Variants in ARL17B observed in about 807,000 individuals in gnomAD.
The protein encoded by ARL17B is ADP-ribosylation factor-like protein 17.
At chr17:46,321,357 G>GAA (rs763727306) in intron 3 of ARL17B, among the ~76,000 whole-genome samples, 24,001 of 31,436 alleles carry the variant, frequency 0.76, 9,094 homozygotes, top group South Asian at 0.91. Context: ...CTCCGTCTCA[G>GAA]AAAAAAAAAA....
intron 3 of ARL17B, among the ~76,000 whole-genome samples, chr17:46,304,996 G>A (rs1408846510): frequency 4.8e-5 from 4 of 83,410 alleles, no homozygotes; most frequent in African/African-American, 9.6e-5. Context: ...AGCCTCCTGA[G>A]CAGCTAGGAC....
intron 4 of ARL17B, among the ~76,000 whole-genome samples, chr17:46,282,680 C>G (rs1490178292): frequency 6.6e-6 from 1 of 152,094 alleles, no homozygotes; most frequent in African/African-American, 2.4e-5. Flanking sequence ...ACTCGGCTTC[C>G]CAAAGTACTG....
chr17:46,333,772 C>T (rs546640166), downstream of ARL17B, among the ~76,000 whole-genome samples: 7 of 66,774 alleles, frequency 1.0e-4, no homozygotes, highest in African/African-American at 2.4e-4. Context: ...GAGCCTGGTC[C>T]CTTTGTGAGA....
At chr17:46,331,636 CCTGT>C (rs1245017646), downstream of ARL17B, 1 of 816,766 alleles carries the variant, frequency 1.2e-6, no homozygotes, top group Non-Finnish European at 1.9e-6. Flanking sequence ...TGGGCACTGA[CCTGT>C]CCCCCGAGCC....
At chr17:46,276,339 C>T (rs1277230719) in intron 4 of ARL17B, among the ~76,000 whole-genome samples, 1 of 152,164 alleles carries the variant, frequency 6.6e-6, no homozygotes. Context: ...CATTGTTTCA[C>T]GTGGCTGCTA....
intron 2 of ARL17B, among the ~76,000 whole-genome samples, chr17:46,357,169 A>G (rs1181911999): frequency 9.6e-6 from 1 of 103,928 alleles, no homozygotes; most frequent in Non-Finnish European, 1.9e-5. Flanking sequence ...GCGAGACTCT[A>G]TCTCAAAAAA....
At chr17:46,278,329 T>C (rs1209135776) in intron 4 of ARL17B, among the ~76,000 whole-genome samples, 1 of 152,226 alleles carries the variant, frequency 6.6e-6, no homozygotes, top group Non-Finnish European at 1.5e-5. Flanking sequence ...CAAGCTCACT[T>C]AACCATTTTC....
At chr17:46,277,947 A>G (rs2049638167) in intron 4 of ARL17B, among the ~76,000 whole-genome samples, 1 of 147,754 alleles carries the variant, frequency 6.8e-6, no homozygotes, top group African/African-American at 2.4e-5. Flanking sequence ...TGGTCTGGGT[A>G]GATTTTTTTT....
chr17:46,300,077 T>C (rs1337462786), intron 3 of ARL17B, among the ~76,000 whole-genome samples: 1 of 62,618 alleles, frequency 1.6e-5, no homozygotes, highest in Non-Finnish European at 4.8e-5. Context: ...TTTTTTATCA[T>C]ACAAATAGTA....
At chr17:46,340,623 A>G (rs1175145304) in intron 3 of ARL17B, among the ~76,000 whole-genome samples, 1 of 63,498 alleles carries the variant, frequency 1.6e-5, no homozygotes, top group Admixed American at 1.5e-4. Flanking sequence ...GTTGACTGCA[A>G]CCTCTGCCTT....
intron 3 of ARL17B, among the ~76,000 whole-genome samples, chr17:46,323,188 AACC>A (rs1420515032): frequency 2.9e-5 from 1 of 35,080 alleles, no homozygotes; most frequent in African/African-American, 7.2e-5. Flanking sequence ...ATAGTTACAT[AACC>A]ACCACCACAT....
chr17:46,332,870 G>A (rs538416912), downstream of ARL17B, among the ~76,000 whole-genome samples: 1 of 150,294 alleles, frequency 6.7e-6, no homozygotes, highest in Non-Finnish European at 1.5e-5. Flanking sequence ...TCTGTGAATT[G>A]AAACCAAGTG....
chr17:46,357,165 C>T (rs2052933871), intron 2 of ARL17B, among the ~76,000 whole-genome samples: 5 of 100,000 alleles, frequency 5.0e-5, no homozygotes, highest in Admixed American at 4.3e-4. Context: ...CAGAGCGAGA[C>T]TCTATCTCAA....
At chr17:46,279,777 GA>G (rs1272325914) in intron 4 of ARL17B, among the ~76,000 whole-genome samples, 31 of 152,278 alleles carry the variant, frequency 2.0e-4, no homozygotes, top group Admixed American at 1.4e-3. Flanking sequence ...TTACAGGCAT[GA>G]ACCACCATTC....
intron 4 of ARL17B, among the ~76,000 whole-genome samples, chr17:46,290,536 T>G (rs1339933589): frequency 6.6e-6 from 1 of 152,218 alleles, no homozygotes; most frequent in Non-Finnish European, 1.5e-5. Flanking sequence ...AACCTCCGCC[T>G]TCTGGGTTCA....
chr17:46,291,803 A>C (rs1009168864), intron 4 of ARL17B, among the ~76,000 whole-genome samples: 1 of 151,862 alleles, frequency 6.6e-6, no homozygotes. Context: ...AAAACACCCC[A>C]AAATTAGCCA....
intron 4 of ARL17B, among the ~76,000 whole-genome samples, chr17:46,282,659 C>T (rs1017742225): frequency 6.6e-6 from 1 of 151,004 alleles, no homozygotes; most frequent in African/African-American, 2.4e-5. Context: ...TGGCTTCAAG[C>T]TATTCTCCCC....
intron 4 of ARL17B, among the ~76,000 whole-genome samples, chr17:46,275,781 G>A (rs2049569538): frequency 6.6e-6 from 1 of 152,170 alleles, no homozygotes; most frequent in Non-Finnish European, 1.5e-5. Context: ...TTACACGGAT[G>A]AGGGGAATAT....
chr17:46,340,543 G>A (rs2052489516), intron 3 of ARL17B, among the ~76,000 whole-genome samples: 1 of 64,458 alleles, frequency 1.6e-5, no homozygotes, highest in Admixed American at 1.5e-4. Flanking sequence ...TTTTTTTTGT[G>A]TTTTGTTTGT....
Sources: gnomAD v4.1 joint callset for allele counts (sites outside exome capture counted in the v4.1 genomes callset) on GRCh38, gnomAD v4.1.1 for gene constraint, MANE v1.5 for transcripts, NCBI Gene and HGNC (gene_info 2026-07-23, HGNC 2026-07-21) for gene names.